Variants in DDX51 observed in about 807,000 individuals in gnomAD.
The protein encoded by DDX51 is DEAD-box helicase 51, also known as ATP-dependent RNA helicase DDX51.
Under a neutral mutation model 74.6 loss-of-function variants are expected in DDX51, and 67 were observed. That is an observed-to-expected ratio of 0.90 (90% confidence interval 0.74 to 1.10). The LOEUF is 1.10. Ranked by LOEUF, DDX51 falls within the 50% of genes least tolerant of loss-of-function variation. DDX51 has a pLI of 0.00. For missense variants in DDX51, 1,056 were observed against 905.2 expected (o/e 1.17, Z -2.14); for synonymous variants, 545 against 402.9 (o/e 1.35, Z -4.22).
chr12:132,142,086 C>T (rs1281383321), intron 5 of DDX51, 33 bp downstream of exon 5: 4 of 1,558,698 alleles, frequency 2.6e-6, no homozygotes, highest in Non-Finnish European at 3.5e-6. Context: ...CTGAGGCGGG[C>T]GGTGCCACGC....
chr12:132,140,616 T>C lies in DDX51; in HGVS notation c.1556+4A>G, dbSNP rs1000575013. 8 of 1,612,710 alleles carry C rather than the reference T, an allele frequency of 5.0e-6. No homozygotes were observed. The highest frequency in any genetic ancestry group is 6.8e-6 in the Non-Finnish European group (8 of 1,179,982). Reference sequence around the variant, plus strand: ...CTGCCACCCCCGCCCAGCCGGGGCCTCACCTGTGGGAGTTCTCTCGGGAGT... The same window carrying C: ...CTGCCACCCCCGCCCAGCCGGGGCCCCACCTGTGGGAGTTCTCTCGGGAGT... On this transcript the variant is annotated splice_donor_region_variant and intron_variant, in intron 10 of 14. Transcript: ENST00000397333.
Position 132,139,171 on chromosome 12 carries a change from G to C in DDX51, c.*101C>G. On this transcript the variant is annotated 3_prime_UTR_variant, in exon 15 of 15. Coordinates refer to ENST00000397333, the MANE Select transcript of DDX51 (RefSeq NM_175066.4). ...TGGGGAGGAAGGCTGTGTCCACTGG[G>C]GGATTCCTTTCCTCACATACAGGAT... The C allele has an allele frequency of 6.7e-7, 1 of 1,500,972 alleles. No homozygotes were observed. The highest frequency in any genetic ancestry group is 9.0e-7 in the Non-Finnish European group (1 of 1,112,720). 93.0% of individuals were successfully genotyped at this position (1,500,972 alleles called of 1,614,324 possible).
chr12:132,138,093 T>G lies in DDX51; in HGVS notation c.*1179A>C, dbSNP rs921710987. 1 of 152,298 alleles carries G rather than the reference T, an allele frequency of 6.6e-6. No homozygotes were observed. 9.4% of individuals were successfully genotyped at this position (152,298 alleles called of 1,614,324 possible). ...CTGACGGACATGTGGTTTCTAGTTT[T>G]TGGCTACTGTGAACAGTGCTGCTGA... On this transcript the variant is annotated 3_prime_UTR_variant, in exon 15 of 15. Coordinates refer to ENST00000397333, the MANE Select transcript of DDX51 (RefSeq NM_175066.4).
At position 132,144,243 on chromosome 12, in the gene DDX51, C is replaced by G; in HGVS notation, c.54G>C (p.Ala18=). ...RYPGPDAAAA[A]GPEGAEAGAH... Reference sequence around the variant, plus strand: ...CCCCGGCCTCCGCGCCCTCCGGCCCCGCCGCAGCTGCCGCATCGGGGCCCG... The same window carrying G: ...CCCCGGCCTCCGCGCCCTCCGGCCCGGCCGCAGCTGCCGCATCGGGGCCCG... Residue 18 remains alanine (A), a synonymous_variant, in exon 1 of 15, where the codon GCG becomes GCC. Coordinates refer to ENST00000397333, the MANE Select transcript of DDX51 (RefSeq NM_175066.4). 8.1e-7 allele frequency: 1 copy of G among 1,233,250 alleles called. No individual in the cohort carries two copies. Among genetic ancestry groups the G allele is most frequent in the Non-Finnish European group, 1.0e-6 (1 of 988,366 alleles). 76.4% of individuals were successfully genotyped at this position (1,233,250 alleles called of 1,614,324 possible).
rs1187645980 is a variant in DDX51 at position 132,136,656 on chromosome 12, G to A, written c.*2616C>T. 6.5e-6 allele frequency: 1 copy of A among 152,686 alleles called. No individual in the cohort carries two copies. Among genetic ancestry groups the A allele is most frequent in the Non-Finnish European group, 1.5e-5 (1 of 68,412 alleles). The allele number at this position is 152,686 out of a possible 1,614,324, so 9.5% of individuals were successfully genotyped here. On this transcript the variant is annotated 3_prime_UTR_variant, in exon 15 of 15. Coordinates refer to ENST00000397333, the MANE Select transcript of DDX51 (RefSeq NM_175066.4). The stretch of plus-strand genomic sequence containing the variant: ...GCTCTCCGTTGCAGAGGGGGCCTGA[G>A]CGGGTTGCTAAGTTGTAGTAAAGAT...
chr12:132,140,622 G>A lies in DDX51; in HGVS notation c.1554C>T (p.His518=). The A allele has an allele frequency of 6.2e-7, 1 of 1,612,924 alleles. No individual in the cohort carries two copies. The highest frequency in any genetic ancestry group is 2.2e-5 in the East Asian group (1 of 44,890). The part of the protein sequence containing the change: ...LCFTNSRENS[H]RLFLLVQAFG... ...CCCCCGCCCAGCCGGGGCCTCACCTGTGGGAGTTCTCTCGGGAGTTAGTGA... is the reference window on the plus strand; with the variant it reads ...CCCCCGCCCAGCCGGGGCCTCACCTATGGGAGTTCTCTCGGGAGTTAGTGA... Residue 518 remains histidine (H), a splice_region_variant and synonymous_variant, in exon 10 of 15, where the codon CAC becomes CAT. Transcript: ENST00000397333.
At position 132,140,159 on chromosome 12, in the gene DDX51, G is replaced by C; in HGVS notation, c.1714C>G (p.Gln572Glu). The C allele has an allele frequency of 6.2e-7, 1 of 1,612,856 alleles. No individual in the cohort carries two copies. The highest frequency in any genetic ancestry group is 2.2e-5 in the East Asian group (1 of 44,880). Residue 572 changes from glutamine (Q) to glutamate (E), a missense_variant, in exon 12 of 15, where the codon CAG (glutamine) becomes GAG (glutamate). Physicochemically the swap from Gln to Glu is conservative, Grantham distance 29 (BLOSUM62 2). Coordinates refer to ENST00000397333, the MANE Select transcript of DDX51 (RefSeq NM_175066.4). ...TAGTTCACCACCAGCTCCACACCCTGCACGTCGATGCCTCGCGCGGTGGCG... is the reference window on the plus strand; with the variant it reads ...TAGTTCACCACCAGCTCCACACCCTCCACGTCGATGCCTCGCGCGGTGGCG... ...TDATARGIDVQGVELVVNYDA... is the reference protein window; with the variant it reads ...TDATARGIDVEGVELVVNYDA...
chr12:132,143,015 T>C, intron 2 of DDX51, 137 bp from the exon 3 acceptor site: 3 of 1,137,014 alleles, frequency 2.6e-6, no homozygotes, highest in Non-Finnish European at 3.8e-6. Flanking sequence ...CAGGATGCGC[T>C]TTCCATACAG....
Position 132,138,384 on chromosome 12 carries a change from C to T in DDX51, c.*888G>A, listed in dbSNP as rs1279618271. 2 of 152,200 alleles carry T rather than the reference C, an allele frequency of 1.3e-5. No individual in the cohort carries two copies. Among genetic ancestry groups the T allele is most frequent in the Admixed American group, 1.3e-4 (2 of 15,282 alleles). The allele number at this position is 152,200 out of a possible 1,614,324, so 9.4% of individuals were successfully genotyped here. Reference sequence around the variant, plus strand: ...CTGGAGTGCAGTGGCGCAGTCTCCGCTCACTGCAAGCTCCGCCTCCCGGGT... The same window carrying T: ...CTGGAGTGCAGTGGCGCAGTCTCCGTTCACTGCAAGCTCCGCCTCCCGGGT... On this transcript the variant is annotated 3_prime_UTR_variant, in exon 15 of 15. Coordinates refer to ENST00000397333, the MANE Select transcript of DDX51 (RefSeq NM_175066.4).
In DDX51 at chr12:132,139,748, G is replaced by C; in HGVS notation, c.1861C>G (p.Leu621Val). 6.2e-7 allele frequency: 1 copy of C among 1,613,168 alleles called. No individual in the cohort carries two copies. The change falls in exon 14 of 15, where the codon CTA becomes GTA. Residue 621 changes from leucine to valine, a missense_variant. Transcript: ENST00000397333. ...KVQERRFLRM[L>V]TEAGAPELQR... The stretch of plus-strand genomic sequence containing the variant: ...AACTCAGGTGCCCCAGCTTCAGTTA[G>C]CATTCGGAGGAATCTCCTCTCCTGG...
At position 132,141,863 on chromosome 12, in the gene DDX51, G is replaced by A; in HGVS notation, c.982C>T (p.Leu328Phe). 3 of 1,613,138 alleles carry A rather than the reference G, an allele frequency of 1.9e-6. No homozygotes were observed. Among genetic ancestry groups the A allele is most frequent in the Non-Finnish European group, 2.5e-6 (3 of 1,179,982 alleles). The change falls in exon 6 of 15, where the codon CTC becomes TTC. Residue 328 changes from leucine to phenylalanine, a missense_variant. Physicochemically the swap from Leu to Phe is conservative, Grantham distance 22. Transcript: ENST00000397333. ...QKSLAKEQES[L>F]VQKTADGYRC... The stretch of plus-strand genomic sequence containing the variant: ...GACACAACCTACGTTTTCTGGACGA[G>A]GCTCTCCTGCTCCTTGGCCAGAGAC...
In DDX51 at chr12:132,140,893, C is replaced by A. The variant is rs199645774; in HGVS notation, c.1378G>T (p.Gly460Cys). ...RLFSTGLAHRGLEDTDGDGDS... is the reference protein window; with the variant it reads ...RLFSTGLAHRCLEDTDGDGDS... ...CCGTCCCCATCTGTATCTTCCAGGC[C>A]CCTGTGTGCTAGCCCTGTGGAGAAA... The change falls in exon 9 of 15, where the codon GGC becomes TGC. Residue 460 changes from glycine (G) to cysteine (C), a missense_variant. By Grantham distance (159) the Gly-to-Cys change is radical. Coordinates refer to ENST00000397333, the MANE Select transcript of DDX51 (RefSeq NM_175066.4). The A allele has an allele frequency of 1.2e-5, 19 of 1,613,526 alleles. No homozygotes were observed. The highest frequency in any genetic ancestry group is 1.6e-5 in the Non-Finnish European group (19 of 1,179,988).
chr12:132,143,509 G>T, intron 2 of DDX51, 186 bp downstream of exon 2: 1 of 763,194 alleles, frequency 1.3e-6, no homozygotes, highest in East Asian at 3.0e-5. Context: ...GCCTAGCAGA[G>T]GAAACGGGAG....
Position 132,140,691 on chromosome 12 carries a change from G to A in DDX51, c.1485C>T (p.Val495=), listed in dbSNP as rs576061161. ...PCSLSSKPLV[V]LHLVLEMGFS... is the part of the protein sequence containing the mutation. Reference sequence around the variant, plus strand: ...AGCCCATCTCCAGGACCAGGTGCAGGACGACCAGCGGCTTAGAGCTGAGGC... The same window carrying A: ...AGCCCATCTCCAGGACCAGGTGCAGAACGACCAGCGGCTTAGAGCTGAGGC... The change falls in exon 10 of 15, where the codon GTC becomes GTT. Residue 495 remains valine (V), a synonymous_variant. Coordinates refer to ENST00000397333, the MANE Select transcript of DDX51 (RefSeq NM_175066.4). 1.5e-5 allele frequency: 24 copies of A among 1,613,110 alleles called. No individual in the cohort carries two copies. The highest frequency in any genetic ancestry group is 1.8e-5 in the Non-Finnish European group (21 of 1,180,022).
At position 132,142,818 on chromosome 12, in the gene DDX51, C is replaced by T. The variant is rs370994810; in HGVS notation, c.580G>A (p.Glu194Lys). 1.5e-5 allele frequency: 25 copies of T among 1,612,926 alleles called. No homozygotes were observed. Among genetic ancestry groups the T allele is most frequent in the East Asian group, 6.7e-5 (3 of 44,894 alleles). ...EPNCVRRNVT[E>K]DLVPIEDIPD... Reference sequence around the variant, plus strand: ...ATGTCCTCGATAGGAACCAGGTCTTCGGTGACATTCCTTCTGACACAGTTA... The same window carrying T: ...ATGTCCTCGATAGGAACCAGGTCTTTGGTGACATTCCTTCTGACACAGTTA... Residue 194 changes from glutamate to lysine, a missense_variant, in exon 3 of 15, where the codon GAA becomes AAA. Transcript: ENST00000397333.
At chr12:132,140,791 T>A (rs1565953794) in intron 9 of DDX51, 40 bp downstream of exon 9, 5 of 1,613,020 alleles carry the variant, frequency 3.1e-6, no homozygotes, top group Non-Finnish European at 4.2e-6. Context: ...GGGCCCCAGG[T>A]TCCCAGTGCA....
intron 12 of DDX51, 27 bp from the exon 13 acceptor site, chr12:132,139,951 A>G: frequency 6.2e-7 from 1 of 1,612,702 alleles, no homozygotes; most frequent in South Asian, 1.1e-5. Context: ...CTATCTCCAG[A>G]CTGGCCCCTG....
intron 2 of DDX51, 79 bp downstream of exon 2, chr12:132,143,616 T>G: frequency 6.6e-7 from 1 of 1,504,872 alleles, no homozygotes; most frequent in Non-Finnish European, 8.9e-7. Context: ...AACGAAATCT[T>G]CCGGGGCGAC....
intron 2 of DDX51, chr12:132,143,359 G>C (rs532347259): frequency 2.5e-5 from 12 of 487,280 alleles, no homozygotes; most frequent in Non-Finnish European, 3.3e-5. Context: ...CACGTGCTAA[G>C]CAAAAACACC....
Sources: allele counts gnomAD v4.1 joint callset, GRCh38; gene constraint gnomAD v4.1.1; transcripts MANE v1.5; gene names NCBI Gene and HGNC (gene_info 2026-07-23, HGNC 2026-07-21).